The following SCAMP1 variants were observed in gnomAD, a reference collection of about 807,000 sequenced individuals.
The protein encoded by SCAMP1 is secretory carrier-associated membrane protein 1.
A neutral mutation model predicts 41.8 loss-of-function variants in SCAMP1; 15 were observed. That is an observed-to-expected ratio of 0.36 (90% CI 0.24 to 0.55). The LOEUF (loss-of-function observed/expected upper bound fraction) is 0.55, where lower values mean the gene tolerates loss of function less well. Ranked by LOEUF, SCAMP1 falls within the 20% of genes least tolerant of loss-of-function variation. The pLI is 0.86. For missense variants in SCAMP1, 341 were observed against 412.6 expected, an observed-to-expected ratio of 0.83 and a Z score of 1.50; for synonymous variants, 135 against 136.8, an observed-to-expected ratio of 0.99 and a Z score of 0.09.
chr5:78,455,105 T>C (rs1188815412), intron 7 of SCAMP1, among the ~76,000 whole-genome samples: 13 of 150,588 alleles, frequency 8.6e-5, no homozygotes, highest in Admixed American at 4.0e-4. Flanking sequence ...TAGTGGTCTA[T>C]CAATTTTGTT....
intron 6 of SCAMP1, among the ~76,000 whole-genome samples, chr5:78,437,424 C>G (rs183319549): frequency 6.6e-6 from 1 of 152,246 alleles, no homozygotes. Flanking sequence ...TAGCGTGAAG[C>G]GCTGTTGAAT....
At chr5:78,453,732 G>A (rs966660549) in intron 7 of SCAMP1, among the ~76,000 whole-genome samples, 21 of 152,194 alleles carry the variant, frequency 1.4e-4, no homozygotes, top group African/African-American at 4.8e-4. Flanking sequence ...GAAAGTCATT[G>A]GTAGCTTTAT....
chr5:78,379,802 ATGAC>A (rs1751152623), intron 1 of SCAMP1, among the ~76,000 whole-genome samples: 1 of 152,196 alleles, frequency 6.6e-6, no homozygotes, highest in Non-Finnish European at 1.5e-5. Context: ...CACTGAGAGA[ATGAC>A]GTTGATAGCG....
chr5:78,460,655 G>C (rs60204681), intron 8 of SCAMP1, among the ~76,000 whole-genome samples: 47,979 of 137,438 alleles, frequency 0.35, 11,138 homozygotes, highest in East Asian at 0.86. Flanking sequence ...TCCTTTGTCA[G>C]ATGCATAGTT....
chr5:78,366,653 A>G (rs1394302756), intron 1 of SCAMP1, among the ~76,000 whole-genome samples: 6 of 152,196 alleles, frequency 3.9e-5, no homozygotes, highest in African/African-American at 1.4e-4. Flanking sequence ...TACCTTGACA[A>G]TGATACTTAC....
chr5:78,422,318 GTTT>G (rs35210440), intron 6 of SCAMP1, among the ~76,000 whole-genome samples: 1 of 147,426 alleles, frequency 6.8e-6, no homozygotes, highest in Admixed American at 6.8e-5. Flanking sequence ...GGTGCTTATG[GTTT>G]TTTTTTTTTT....
intron 2 of SCAMP1, among the ~76,000 whole-genome samples, chr5:78,412,022 T>C (rs1390467778): frequency 6.6e-6 from 1 of 152,090 alleles, no homozygotes; most frequent in Non-Finnish European, 1.5e-5. Context: ...TTTTTGTATG[T>C]TTATTTTTCT....
intron 4 of SCAMP1, 71 bp from the exon 5 acceptor site, chr5:78,418,704 A>T: frequency 9.5e-7 from 1 of 1,054,356 alleles, no homozygotes; most frequent in Non-Finnish European, 1.4e-6. Context: ...TTTCTTTATT[A>T]TGAAACAAAA....
intron 6 of SCAMP1, among the ~76,000 whole-genome samples, chr5:78,447,718 C>G (rs772636158): frequency 6.6e-6 from 1 of 152,076 alleles, no homozygotes; most frequent in Non-Finnish European, 1.5e-5. Context: ...ACAGTAAAAT[C>G]AAGATATATA....
chr5:78,361,734 G>A (rs1750658765), intron 1 of SCAMP1, among the ~76,000 whole-genome samples: 1 of 152,142 alleles, frequency 6.6e-6, no homozygotes. Flanking sequence ...CAATCCCCCC[G>A]GCCATGTGCA....
chr5:78,430,518 A>G (rs1752595120), intron 6 of SCAMP1, among the ~76,000 whole-genome samples: 1 of 151,556 alleles, frequency 6.6e-6, no homozygotes, highest in Non-Finnish European at 1.5e-5. Flanking sequence ...TTTTTTCCCA[A>G]AGCGAAGTCT....
chr5:78,427,054 A>G (rs1349780036), intron 6 of SCAMP1, among the ~76,000 whole-genome samples: 1 of 152,140 alleles, frequency 6.6e-6, no homozygotes, highest in Non-Finnish European at 1.5e-5. Flanking sequence ...TGTTGCTCTA[A>G]AGGAACACCT....
intron 8 of SCAMP1, among the ~76,000 whole-genome samples, chr5:78,473,075 A>G (rs926611926): frequency 1.3e-5 from 2 of 152,146 alleles, no homozygotes; most frequent in Admixed American, 1.3e-4. Context: ...TTCCATAGAA[A>G]ACTTGGTTTT....
rs1310703559 is a variant in SCAMP1 at position 78,398,544 on chromosome 5, T to A, written c.135+9630T>A. 1.2e-3 allele frequency among the ~76,000 whole-genome samples: 41 copies of A among 33,488 alleles called. 1 individual carries two copies. Among genetic ancestry groups the A allele is most frequent in the African/African-American group, 5.7e-3 (37 of 6,508 alleles). 22.0% of individuals were successfully genotyped at this position (33,488 alleles called of 152,430 possible). ...TGTTTCTGGCCCAAGGTTCACTATT[T>A]TTTTTTTTTTTTTTTTTTTTTTTTT... On this transcript the variant is annotated intron_variant, in intron 2 of 8. Coordinates refer to ENST00000621999, the MANE Select transcript of SCAMP1 (RefSeq NM_004866.6).
chr5:78,360,650 G>T lies in SCAMP1; in HGVS notation c.-22G>T. 6.2e-7 allele frequency: 1 copy of T among 1,602,142 alleles called. No individual in the cohort carries two copies. On this transcript the variant is annotated 5_prime_UTR_variant, in exon 1 of 9. Coordinates refer to ENST00000621999, the MANE Select transcript of SCAMP1 (RefSeq NM_004866.6). ...TCTCTCTCTGCGCCTGGGTCGGGTG[G>T]GTGACGCCGAGAGCCAGAGAGATGT...
At chr5:78,454,308 T>C (rs1191650135) in intron 7 of SCAMP1, among the ~76,000 whole-genome samples, 2 of 152,242 alleles carry the variant, frequency 1.3e-5, no homozygotes, top group Non-Finnish European at 2.9e-5. Context: ...AGTATGATAT[T>C]GGCTGTGGGG....
In SCAMP1 at chr5:78,477,062, G is replaced by C. The variant is rs889460299; in HGVS notation, c.*1394G>C. ...TAGTGATTATTCAATTAGATTTTAA[G>C]TAAGGATTGTGATATTAGAGGCTGG... On this transcript the variant is annotated 3_prime_UTR_variant, in exon 9 of 9. Coordinates refer to ENST00000621999, the MANE Select transcript of SCAMP1 (RefSeq NM_004866.6). 1 of 152,104 alleles carries C rather than the reference G, an allele frequency of 6.6e-6. No individual in the cohort carries two copies. The highest frequency in any genetic ancestry group is 1.5e-5 in the Non-Finnish European group (1 of 67,972). 9.4% of individuals were successfully genotyped at this position (152,104 alleles called of 1,614,324 possible). A position where few individuals can be genotyped will look rare whatever the true frequency, so the allele number is the denominator to read the frequency against.
intron 6 of SCAMP1, among the ~76,000 whole-genome samples, chr5:78,446,026 A>G (rs913740443): frequency 2.6e-5 from 4 of 152,262 alleles, no homozygotes; most frequent in Non-Finnish European, 5.9e-5. Context: ...TGGTAAAATG[A>G]AATAAATACA....
intron 8 of SCAMP1, among the ~76,000 whole-genome samples, chr5:78,460,374 G>T (rs1044166490): frequency 1.3e-5 from 2 of 152,040 alleles, no homozygotes; most frequent in African/African-American, 4.8e-5. Context: ...TCCCGTCAAC[G>T]GTATATAAGC....
Sources: gnomAD v4.1 joint callset for allele counts (sites outside exome capture counted in the v4.1 genomes callset) on GRCh38, gnomAD v4.1.1 for gene constraint, MANE v1.5 for transcripts, NCBI Gene and HGNC (gene_info 2026-07-23, HGNC 2026-07-21) for gene names.